THTPA: variants seen among roughly 807,000 people sequenced by gnomAD.
THTPA encodes thiamine triphosphatase, also known as thiamine-triphosphatase.
THTPA carries 16 observed loss-of-function variants against 16.5 expected under a neutral mutation model. That is an observed-to-expected ratio of 0.97 (90% CI 0.66 to 1.47). The LOEUF (loss-of-function observed/expected upper bound fraction) is 1.47, where lower values mean the gene tolerates loss of function less well. THTPA is among the 40% of genes most tolerant of loss of function. The pLI is 0.00. For synonymous variants in THTPA, 110 were observed against 115.5 expected (o/e 0.95, Z 0.30); for missense variants, 281 against 280.9 (o/e 1.00, Z 0.00).
chr14:23,552,491 C>A (rs954479198), upstream of THTPA, among the ~76,000 whole-genome samples: 1 of 152,056 alleles, frequency 6.6e-6, no homozygotes, highest in Non-Finnish European at 1.5e-5. Flanking sequence ...CGGGGTTTCA[C>A]CACGTTGGTC....
the THTPA span, chr14:23,521,835 T>A: frequency 6.9e-7 from 1 of 1,456,620 alleles, no homozygotes; most frequent in Non-Finnish European, 9.0e-7. Flanking sequence ...GGGTGGGAAC[T>A]GAACAGTTCC....
the THTPA span, chr14:23,521,237 T>C: frequency 0.024 from 3,707 of 152,410 alleles, 48 homozygotes; most frequent in Non-Finnish European, 0.035. Context: ...GGGGCTCCCC[T>C]GTCAGGCAAG....
chr14:23,547,345 C>G, the THTPA span, among the ~76,000 whole-genome samples: 1 of 152,284 alleles, frequency 6.6e-6, no homozygotes, highest in African/African-American at 2.4e-5. Flanking sequence ...TCCTTATTTG[C>G]GGCCATTGTA....
the THTPA span, chr14:23,535,370 G>A: frequency 7.7e-6 from 11 of 1,437,346 alleles, no homozygotes; most frequent in African/African-American, 1.4e-4. The surrounding 1 kb of genome is among the most constrained non-coding windows in gnomAD (Gnocchi z 4.5). Context: ...GTGACAGCCA[G>A]TACCCTGTAG....
chr14:23,525,660 G>T, the THTPA span: 3 of 1,535,504 alleles, frequency 2.0e-6, no homozygotes, highest in African/African-American at 1.4e-5. The surrounding 1 kb of genome is among the most constrained non-coding windows in gnomAD (Gnocchi z 5.9). Flanking sequence ...AATGGGTCGG[G>T]GGGTGAGGAA....
rs750666465 is a variant in THTPA at position 23,559,778 on chromosome 14, TCAC to T, written c.*940_*942del. On this transcript the variant is annotated 3_prime_UTR_variant, in exon 2 of 2. Transcript: ENST00000288014. ...TGCCACGATTCCACAGGCAAGTTGT[TCAC>T]CTCAAAGATCTCCTGCACCGACTGG... is the stretch of plus-strand genomic sequence containing the variant. 6.2e-7 allele frequency: 1 copy of T among 1,614,112 alleles called. No individual in the cohort carries two copies. Among genetic ancestry groups the T allele is most frequent in the Non-Finnish European group, 8.5e-7 (1 of 1,180,016 alleles).
the THTPA span, among the ~76,000 whole-genome samples, chr14:23,542,640 C>T: frequency 6.6e-6 from 1 of 152,208 alleles, no homozygotes; most frequent in South Asian, 2.1e-4. Context: ...TCTGTATGAG[C>T]ACTCAGGGAG....
In THTPA at chr14:23,559,631, T is replaced by A. The variant is rs1883075001; in HGVS notation, c.*791T>A. On this transcript the variant is annotated 3_prime_UTR_variant, in exon 2 of 2. Transcript: ENST00000288014. ...GTGGGAGAAGGGGGCTGGTCCCCAGTTTTTGCAGTGCAAAGCCAGAGCGCC... is the reference window on the plus strand; with the variant it reads ...GTGGGAGAAGGGGGCTGGTCCCCAGATTTTGCAGTGCAAAGCCAGAGCGCC... 4.7e-6 allele frequency: 4 copies of A among 848,654 alleles called. No homozygotes were observed. Among genetic ancestry groups the A allele is most frequent in the Non-Finnish European group, 7.7e-6 (4 of 521,868 alleles). The allele number at this position is 848,654 out of a possible 1,614,324, so 52.6% of individuals were successfully genotyped here. A position where few individuals can be genotyped will look rare whatever the true frequency, so the allele number is the denominator to read the frequency against.
At chr14:23,526,867 G>A in the THTPA span, 172 of 1,532,608 alleles carry the variant, frequency 1.1e-4, 1 homozygote, top group African/African-American at 1.7e-3. Flanking sequence ...GTCTCTGCTC[G>A]GTGTAGGCTC....
At position 23,556,825 on chromosome 14, in the gene THTPA, A is replaced by C. The variant is rs1199740649; in HGVS notation, c.68A>C (p.Gln23Pro). ...GGGCCTGGCACAGAGGAGCGGCTGC[A>C]GGAGTTGGGGGGCACCCTGGAGTAC... ...LPGPGTEERL[Q>P]ELGGTLEYRV... Residue 23 changes from glutamine to proline, a missense_variant, in exon 1 of 2, where the codon CAG (glutamine) becomes CCG (proline). Gln to Pro is a moderately conservative substitution (Grantham distance 76). Coordinates refer to ENST00000288014, the MANE Select transcript of THTPA (RefSeq NM_024328.6). 4 of 1,613,292 alleles carry C rather than the reference A, an allele frequency of 2.5e-6. No homozygotes were observed. The African/African-American group carries it at 5.3e-5, about 22-fold the overall frequency.
chr14:23,551,268 G>C (rs1881922846), upstream of THTPA: 1 of 152,342 alleles, frequency 6.6e-6, no homozygotes, highest in Non-Finnish European at 1.5e-5. This position sits in a 1 kb window ranked among gnomAD's most constrained non-coding sequence, Gnocchi z 5.3. Flanking sequence ...CTTCCAAAGA[G>C]CAAGGAAGGG....
the THTPA span, among the ~76,000 whole-genome samples, chr14:23,545,336 C>G: frequency 6.6e-6 from 1 of 152,224 alleles, no homozygotes; most frequent in Admixed American, 6.5e-5. Flanking sequence ...TACACAACCA[C>G]TCGTCCGCCC....
chr14:23,512,316 C>T, the THTPA span, among the ~76,000 whole-genome samples: 5 of 151,938 alleles, frequency 3.3e-5, no homozygotes, highest in African/African-American at 1.2e-4. Context: ...TGCGCGCACG[C>T]ACACGTATAC....
chr14:23,545,737 G>C, the THTPA span, among the ~76,000 whole-genome samples: 1 of 152,226 alleles, frequency 6.6e-6, no homozygotes, highest in African/African-American at 2.4e-5. Context: ...AGATGGCTGG[G>C]GGGAAATGCA....
chr14:23,527,513 T>G, the THTPA span: 1 of 1,475,152 alleles, frequency 6.8e-7, no homozygotes, highest in Admixed American at 2.0e-5. Context: ...CCCCAACACA[T>G]GCACCTGCCT....
chr14:23,525,495 C>A, the THTPA span: 1 of 1,535,854 alleles, frequency 6.5e-7, no homozygotes, highest in Non-Finnish European at 8.7e-7. This position sits in a 1 kb window ranked among gnomAD's most constrained non-coding sequence, Gnocchi z 5.9. Context: ...CCACAGGCCC[C>A]ACAGGCCAGC....
the THTPA span, among the ~76,000 whole-genome samples, chr14:23,520,611 G>A: frequency 3.9e-5 from 6 of 152,136 alleles, no homozygotes; most frequent in African/African-American, 9.7e-5. This position sits in a 1 kb window ranked among gnomAD's most constrained non-coding sequence, Gnocchi z 8.7. Context: ...CTCAGGGAGC[G>A]GGGACATGTC....
the THTPA span, among the ~76,000 whole-genome samples, chr14:23,520,235 A>G: frequency 3.9e-5 from 6 of 152,042 alleles, no homozygotes; most frequent in African/African-American, 1.5e-4. This position sits in a 1 kb window ranked among gnomAD's most constrained non-coding sequence, Gnocchi z 8.7. Flanking sequence ...AGTCTCATGG[A>G]CGGGTCCCGA....
the THTPA span, among the ~76,000 whole-genome samples, chr14:23,545,317 C>T: frequency 6.6e-6 from 1 of 152,220 alleles, no homozygotes; most frequent in Non-Finnish European, 1.5e-5. Context: ...GCTTTTCAGC[C>T]CTACTTCTTA....
Sources: allele counts gnomAD v4.1 joint callset (sites outside exome capture counted in the v4.1 genomes callset), GRCh38; gene constraint gnomAD v4.1.1; non-coding constraint Gnocchi (gnomAD v3.1); transcripts MANE v1.5; gene names NCBI Gene and HGNC (gene_info 2026-07-23, HGNC 2026-07-21).